EXOC1: variants seen among roughly 807,000 people sequenced by gnomAD.
EXOC1 encodes exocyst complex component 1, also known as SEC3-like 1.
Under a neutral mutation model 107.7 loss-of-function variants are expected in EXOC1, and 67 were observed. The observed-to-expected ratio is 0.62, with a 90% CI of 0.51 to 0.76. The LOEUF (loss-of-function observed/expected upper bound fraction) is 0.76. Ranked by LOEUF, EXOC1 falls within the 30% of genes least tolerant of loss-of-function variation. The probability of loss-of-function intolerance (pLI) is 0.00; values close to 1 mark genes in which losing one functional copy is unlikely to be tolerated. For synonymous variants in EXOC1, 348 were observed against 353.5 expected (o/e 0.98, Z 0.17); for missense variants, 833 against 1,055.7 (o/e 0.79, Z 2.92).
chr4:55,895,628 G>A (rs1577773531), intron 15 of EXOC1, among the ~76,000 whole-genome samples: 1 of 152,178 alleles, frequency 6.6e-6, no homozygotes, highest in East Asian at 1.9e-4. Context: ...TTAGGTAGAA[G>A]CTGAAATAAT....
chr4:55,879,909 A>G (rs1222166574), intron 9 of EXOC1, among the ~76,000 whole-genome samples: 3 of 152,182 alleles, frequency 2.0e-5, no homozygotes, highest in African/African-American at 4.8e-5. Flanking sequence ...TAATAATTAT[A>G]TGGACAATAT....
intron 10 of EXOC1, among the ~76,000 whole-genome samples, chr4:55,887,162 A>G (rs932985206): frequency 6.9e-6 from 1 of 145,170 alleles, no homozygotes; most frequent in African/African-American, 2.6e-5. Flanking sequence ...TACTGTTGAG[A>G]TATATATATC....
chr4:55,898,332 C>T (rs1271775488), intron 16 of EXOC1, among the ~76,000 whole-genome samples: 1 of 152,082 alleles, frequency 6.6e-6, no homozygotes, highest in Non-Finnish European at 1.5e-5. Flanking sequence ...ACTTATAAAA[C>T]TTAAGAACAG....
chr4:55,889,077 T>A, intron 11 of EXOC1, 145 bp downstream of exon 11: 1 of 708,214 alleles, frequency 1.4e-6, no homozygotes, highest in Non-Finnish European at 2.5e-6. Context: ...AACATGATGG[T>A]AGTGATATGG....
chr4:55,878,174 C>G lies in EXOC1; in HGVS notation c.1224+108C>G, dbSNP rs934158799. 2.2e-4 allele frequency: 282 copies of G among 1,261,356 alleles called. 1 individual carries two copies. The highest frequency in any genetic ancestry group is 2.6e-4 in the Non-Finnish European group (243 of 919,702). 78.1% of individuals were successfully genotyped at this position (1,261,356 alleles called of 1,614,324 possible). A position where few individuals can be genotyped will look rare whatever the true frequency, so the allele number is the denominator to read the frequency against. On this transcript the variant is annotated intron_variant, in intron 9 of 18. Transcript: ENST00000381295. ...TTAAAATACTGTAGTACATTCTTAG[C>G]AAAGCAGAAAATGAGTCAGTGCTCT...
At chr4:55,903,282 T>C (rs1267068235) in intron 18 of EXOC1, among the ~76,000 whole-genome samples, 2 of 152,016 alleles carry the variant, frequency 1.3e-5, no homozygotes, top group African/African-American at 2.4e-5. Flanking sequence ...AAGTCCAAAT[T>C]AGGCCATTAT....
At chr4:55,880,441 G>T (rs1029023874) in intron 9 of EXOC1, among the ~76,000 whole-genome samples, 25 of 151,794 alleles carry the variant, frequency 1.6e-4, no homozygotes, top group Admixed American at 1.6e-3. Context: ...ATTTTCTTTT[G>T]TCTTGTTTTC....
chr4:55,875,588 C>T, intron 8 of EXOC1: 1 of 985,050 alleles, frequency 1.0e-6, no homozygotes, highest in Non-Finnish European at 1.2e-6. Context: ...ACATTTGTGC[C>T]TGAGTAAACA....
chr4:55,862,756 A>C (rs28507328), intron 3 of EXOC1, among the ~76,000 whole-genome samples: 1 of 152,152 alleles, frequency 6.6e-6, no homozygotes, highest in African/African-American at 2.4e-5. Flanking sequence ...CCCTTACTTT[A>C]ATGTATTTAC....
At chr4:55,855,147 G>A (rs1345580925) in intron 1 of EXOC1, among the ~76,000 whole-genome samples, 1 of 152,208 alleles carries the variant, frequency 6.6e-6, no homozygotes, top group East Asian at 1.9e-4. Context: ...TTAGGAAAAC[G>A]TTGAGTAAAA....
At chr4:55,881,076 G>C (rs930807242) in intron 9 of EXOC1, among the ~76,000 whole-genome samples, 1 of 152,162 alleles carries the variant, frequency 6.6e-6, no homozygotes, top group African/African-American at 2.4e-5. Flanking sequence ...GGAAAAACTT[G>C]TTCAAAATTC....
At chr4:55,854,934 G>C (rs1720824178) in intron 1 of EXOC1, among the ~76,000 whole-genome samples, 1 of 152,110 alleles carries the variant, frequency 6.6e-6, no homozygotes, top group South Asian at 2.1e-4. Flanking sequence ...CCCATTAGAC[G>C]GCAAATGCAG....
chr4:55,858,366 C>A lies in EXOC1; in HGVS notation c.43C>A (p.Pro15Thr). The stretch of plus-strand genomic sequence containing the variant: ...TGCATTACAAAGAGACATTTTTACA[C>A]CAAATGATGAACGCCTGCTGAGCAT... ...KHALQRDIFT[P>T]NDERLLSIVN... Residue 15 changes from proline (P) to threonine (T), a missense_variant, in exon 2 of 19, where the codon CCA (proline) becomes ACA (threonine). Transcript: ENST00000381295. The A allele has an allele frequency of 6.2e-7, 1 of 1,609,766 alleles. No individual in the cohort carries two copies. Among genetic ancestry groups the A allele is most frequent in the Middle Eastern group, 1.7e-4 (1 of 6,048 alleles).
At chr4:55,860,820 G>C (rs1267614330) in intron 3 of EXOC1, among the ~76,000 whole-genome samples, 1 of 151,078 alleles carries the variant, frequency 6.6e-6, no homozygotes, top group South Asian at 2.1e-4. Context: ...AGTTTTTTTT[G>C]CTTGTTTGTT....
In EXOC1 at chr4:55,858,350, A is replaced by G; in HGVS notation, c.27A>G (p.Gln9=). Reference sequence around the variant, plus strand: ...TGACAGCAATCAAGCATGCATTACAAAGAGACATTTTTACACCAAATGATG... The same window carrying G: ...TGACAGCAATCAAGCATGCATTACAGAGAGACATTTTTACACCAAATGATG... The part of the protein sequence containing the change: MTAIKHAL[Q]RDIFTPNDER... Residue 9 remains glutamine, a synonymous_variant, in exon 2 of 19, where the codon CAA becomes CAG. Coordinates refer to ENST00000381295, the MANE Select transcript of EXOC1 (RefSeq NM_001024924.2). 1.2e-6 allele frequency: 2 copies of G among 1,609,290 alleles called. No homozygotes were observed. The highest frequency in any genetic ancestry group is 1.7e-6 in the Non-Finnish European group (2 of 1,177,968).
rs1724362046 is a variant in EXOC1, at chr4:55,890,249, A to G, written c.1402A>G (p.Thr468Ala). Residue 468 changes from threonine to alanine, a missense_variant, in exon 12 of 19, where the codon ACT becomes GCT. Around this residue, in one of 2 missense-constraint regions of EXOC1, gnomAD observed 617 missense variants for 701.3 expected, o/e 0.88. Coordinates refer to ENST00000381295, the MANE Select transcript of EXOC1 (RefSeq NM_001024924.2). Reference protein sequence around the residue: ...ESLHGSSGKLTGSTSSLNKLS... With the variant: ...ESLHGSSGKLAGSTSSLNKLS... Reference sequence around the variant, plus strand: ...TCTTCATGGAAGTTCGGGGAAATTAACTGGATCTACTTCTAGTCTAAATAA... The same window carrying G: ...TCTTCATGGAAGTTCGGGGAAATTAGCTGGATCTACTTCTAGTCTAAATAA... The G allele has an allele frequency of 9.3e-6, 15 of 1,613,876 alleles. No homozygotes were observed. Among genetic ancestry groups the G allele is most frequent in the Non-Finnish European group, 1.3e-5 (15 of 1,179,938 alleles).
At chr4:55,883,636 G>C (rs778052686) in intron 9 of EXOC1, 187 bp from the exon 10 acceptor site, 1 of 421,444 alleles carries the variant, frequency 2.4e-6, no homozygotes. Context: ...TTTGTAAATT[G>C]TTAATGTTAT....
intron 3 of EXOC1, among the ~76,000 whole-genome samples, chr4:55,863,439 C>T (rs565716651): frequency 1.0e-3 from 157 of 152,178 alleles, no homozygotes; most frequent in African/African-American, 3.6e-3. Flanking sequence ...ATGGGGAGAT[C>T]TTGTCTCTAC....
At chr4:55,874,400 A>G (rs773224565) in intron 8 of EXOC1, among the ~76,000 whole-genome samples, 39 of 152,168 alleles carry the variant, frequency 2.6e-4, no homozygotes, top group Non-Finnish European at 4.9e-4. Flanking sequence ...CACTTTCATT[A>G]TCTTTTCATT....
Sources: gnomAD v4.1 joint callset for allele counts (sites outside exome capture counted in the v4.1 genomes callset) on GRCh38, gnomAD v4.1.1 for gene constraint, gnomAD v4.1.1 regional missense constraint, MANE v1.5 for transcripts, NCBI Gene and HGNC (gene_info 2026-07-23, HGNC 2026-07-21) for gene names.